Variants in MOB3B observed in about 807,000 individuals in gnomAD.
MOB3B encodes MOB kinase activator 3B.
Under a neutral mutation model 18.7 loss-of-function variants are expected in MOB3B, and 7 were observed. The observed-to-expected ratio is 0.37, with a 90% confidence interval of 0.21 to 0.70. The LOEUF (loss-of-function observed/expected upper bound fraction) is 0.70, where lower values mean the gene tolerates loss of function less well. Among genes scored for constraint, MOB3B ranks in the 30% least tolerant of loss-of-function variants. MOB3B has a pLI of 0.52. For missense variants in MOB3B, 253 were observed against 281.3 expected (o/e 0.90, Z 0.72); for synonymous variants, 111 against 99.9 (o/e 1.11, Z -0.66).
intron 3 of MOB3B, among the ~76,000 whole-genome samples, chr9:27,355,899 A>G (rs1022604167): frequency 3.3e-5 from 5 of 152,164 alleles, no homozygotes; most frequent in Non-Finnish European, 7.4e-5. Context: ...ATCAAATAAA[A>G]ATGTGTTGAC....
chr9:27,397,287 T>G (rs1392495996), intron 2 of MOB3B: 1 of 152,020 alleles, frequency 6.6e-6, no homozygotes, highest in Non-Finnish European at 1.5e-5. Flanking sequence ...ATTATGAGTT[T>G]TACAGAAGTG....
intron 1 of MOB3B, among the ~76,000 whole-genome samples, chr9:27,470,113 AG>A (rs2131466291): frequency 7.9e-6 from 1 of 126,750 alleles, no homozygotes; most frequent in East Asian, 2.2e-4. Flanking sequence ...GTCTCTTAAA[AG>A]AAAAAAAAAA....
chr9:27,399,882 T>C (rs901684591), intron 2 of MOB3B, among the ~76,000 whole-genome samples: 15 of 152,204 alleles, frequency 9.9e-5, no homozygotes, highest in Middle Eastern at 3.2e-3. Flanking sequence ...ACTGACTCCA[T>C]TCCTGGAGGA....
In MOB3B at chr9:27,529,540, C is replaced by A. The variant is rs1820498347; in HGVS notation, c.-199+15G>T. 1 of 984,972 alleles carries A rather than the reference C, an allele frequency of 1.0e-6. No homozygotes were observed. The highest frequency in any genetic ancestry group is 1.7e-5 in the African/African-American group (1 of 57,246). The allele number at this position is 984,972 out of a possible 1,614,324, so 61.0% of individuals were successfully genotyped here. A position where few individuals can be genotyped will look rare whatever the true frequency, so the allele number is the denominator to read the frequency against. On this transcript the variant is annotated intron_variant, in intron 1 of 3. Coordinates refer to ENST00000262244, the MANE Select transcript of MOB3B (RefSeq NM_024761.5). ...CTGCGCCGCCTCCCCTAGCTTGGAG[C>A]GGGTTCTTACTCACCGTGGGGTTTT...
At chr9:27,414,635 A>G (rs1358688798) in intron 2 of MOB3B, among the ~76,000 whole-genome samples, 2 of 152,196 alleles carry the variant, frequency 1.3e-5, no homozygotes, top group Non-Finnish European at 2.9e-5. Context: ...ATAAAGAACC[A>G]GTTACACGTG....
chr9:27,398,657 A>C (rs1214948881), intron 2 of MOB3B, among the ~76,000 whole-genome samples: 1 of 152,326 alleles, frequency 6.6e-6, no homozygotes. Flanking sequence ...ACCACCTACC[A>C]GAGACTGGGT....
At position 27,420,548 on chromosome 9, in the gene MOB3B, CATATATATATATATATATATATATATAT is replaced by C. The variant is rs55684272; in HGVS notation, c.418+34557_418+34584del. On this transcript the variant is annotated intron_variant, in intron 2 of 3. Transcript: ENST00000262244. ...ATCTATATATTCCATCTGTATATTC[CATATATATATATATATATATATATATAT>C]ATATATATATATATATATATGGAAT... 1.6e-3 allele frequency among the ~76,000 whole-genome samples: 50 copies of C among 31,082 alleles called. 1 individual carries two copies. In the East Asian group the frequency reaches 0.031, roughly 19 times the overall value. 20.4% of individuals were successfully genotyped at this position (31,082 alleles called of 152,430 possible).
At chr9:27,522,813 C>T (rs2131509035) in intron 1 of MOB3B, among the ~76,000 whole-genome samples, 1 of 152,140 alleles carries the variant, frequency 6.6e-6, no homozygotes. Context: ...ATTTATAACG[C>T]TATATAAAAG....
chr9:27,378,312 G>T, intron 2 of MOB3B: 1 of 469,574 alleles, frequency 2.1e-6, no homozygotes. Context: ...CATAAGGATG[G>T]ATGCTGCATC....
intron 2 of MOB3B, chr9:27,394,268 G>A (rs1821769555): frequency 6.6e-6 from 1 of 152,026 alleles, no homozygotes. Context: ...TCTGGTGAGT[G>A]GTTATTTTGG....
chr9:27,429,200 A>C (rs533343335), intron 2 of MOB3B, among the ~76,000 whole-genome samples: 272 of 152,280 alleles, frequency 1.8e-3, no homozygotes, highest in African/African-American at 6.3e-3. Flanking sequence ...ACCCACTTCA[A>C]CTAAGAGGTC....
At chr9:27,425,421 TG>T (rs1183628531) in intron 2 of MOB3B, among the ~76,000 whole-genome samples, 1 of 149,738 alleles carries the variant, frequency 6.7e-6, no homozygotes, top group Non-Finnish European at 1.5e-5. Context: ...ACAAAGTCAC[TG>T]GGGGCAGATC....
intron 1 of MOB3B, chr9:27,524,676 A>G: frequency 6.2e-7 from 1 of 1,614,102 alleles, no homozygotes; most frequent in Non-Finnish European, 8.5e-7. Context: ...CCTCAAACAA[A>G]TCCAAATAGG....
intron 2 of MOB3B, among the ~76,000 whole-genome samples, chr9:27,431,270 C>G (rs775516386): frequency 1.8e-4 from 28 of 152,134 alleles, no homozygotes; most frequent in Middle Eastern, 6.3e-3. Flanking sequence ...CCTCACTTAA[C>G]TAGAGATGTA....
At chr9:27,478,545 A>C (rs1227531795) in intron 1 of MOB3B, among the ~76,000 whole-genome samples, 1 of 152,212 alleles carries the variant, frequency 6.6e-6, no homozygotes, top group African/African-American at 2.4e-5. Context: ...AGCTGAAAAG[A>C]GAATTACCAT....
At chr9:27,473,133 A>G (rs1819498735) in intron 1 of MOB3B, among the ~76,000 whole-genome samples, 1 of 152,342 alleles carries the variant, frequency 6.6e-6, no homozygotes, top group East Asian at 1.9e-4. Context: ...AAACTGACAG[A>G]CAAGGGTAGT....
intron 1 of MOB3B, among the ~76,000 whole-genome samples, chr9:27,481,440 TAG>T (rs1468781074): frequency 2.0e-5 from 3 of 150,520 alleles, no homozygotes; most frequent in African/African-American, 7.3e-5. Flanking sequence ...AGGGAGACAA[TAG>T]AGTGTGGTGG....
At chr9:27,528,792 C>G (rs1160008221) in intron 1 of MOB3B, among the ~76,000 whole-genome samples, 3 of 152,028 alleles carry the variant, frequency 2.0e-5, no homozygotes, top group Non-Finnish European at 4.4e-5. Context: ...GGGGGGATCC[C>G]GAGAGATTTA....
At chr9:27,442,381 C>T (rs948169347) in intron 2 of MOB3B, among the ~76,000 whole-genome samples, 3 of 152,188 alleles carry the variant, frequency 2.0e-5, no homozygotes, top group Non-Finnish European at 4.4e-5. Context: ...CCTTATCTGA[C>T]ATTATGTCAT....
Sources: gnomAD v4.1 joint callset for allele counts (sites outside exome capture counted in the v4.1 genomes callset) on GRCh38, gnomAD v4.1.1 for gene constraint, MANE v1.5 for transcripts, NCBI Gene and HGNC (gene_info 2026-07-23, HGNC 2026-07-21) for gene names.